CREM: variants seen among roughly 807,000 people sequenced by gnomAD.
CREM encodes the protein cAMP-responsive element modulator.
Under a neutral mutation model 37.3 loss-of-function variants are expected in CREM, and 13 were observed. The observed-to-expected ratio is 0.35, with a 90% confidence interval of 0.23 to 0.55. CREM has a LOEUF of 0.55. Ranked by LOEUF, CREM falls within the 20% of genes least tolerant of loss-of-function variation. CREM has a pLI of 0.88. For missense variants in CREM, 296 were observed against 362.3 expected (o/e 0.82, Z 1.49); for synonymous variants, 124 against 120.2 (o/e 1.03, Z -0.21).
intron 5 of CREM, among the ~76,000 whole-genome samples, chr10:35,182,619 C>T (rs903070017): frequency 1.3e-5 from 2 of 152,162 alleles, no homozygotes; most frequent in Non-Finnish European, 2.9e-5. Flanking sequence ...CAAGCAGTTA[C>T]ATTTTTAATA....
In CREM at chr10:35,172,106, T is replaced by G. The variant is rs764647832; in HGVS notation, c.169-6783T>G. 4.6e-5 allele frequency among the ~76,000 whole-genome samples: 7 copies of G among 151,098 alleles called. No homozygotes were observed. The East Asian group carries it at 1.2e-3, about 25-fold the overall frequency. ...GGGATAGAAGCTGGTCAATGAAGTC[T>G]TCTTTTTGTGTTAATTTTTTTCCTT... On this transcript the variant is annotated intron_variant, in intron 3 of 7. Coordinates refer to ENST00000685392, the MANE Select transcript of CREM (RefSeq NM_183011.2).
chr10:35,141,208 C>G (rs1247866841), intron 2 of CREM, among the ~76,000 whole-genome samples: 2 of 152,132 alleles, frequency 1.3e-5, no homozygotes, highest in Non-Finnish European at 2.9e-5. Flanking sequence ...ATCAAAACTA[C>G]CAGGCACTTA....
intron 5 of CREM, among the ~76,000 whole-genome samples, chr10:35,180,493 A>C (rs989002069): frequency 6.6e-6 from 1 of 152,186 alleles, no homozygotes; most frequent in African/African-American, 2.4e-5. Flanking sequence ...TATTAAATAC[A>C]TTCTCTGTTG....
Position 35,211,865 on chromosome 10 carries a change from A to T in CREM, c.*467A>T. ...TTGCTTTTGAAGGAATACAATATATAGCTGGCAAGAATGGTGGCTTCTTTT... is the reference window on the plus strand; with the variant it reads ...TTGCTTTTGAAGGAATACAATATATTGCTGGCAAGAATGGTGGCTTCTTTT... On this transcript the variant is annotated 3_prime_UTR_variant, in exon 8 of 8. Coordinates refer to ENST00000685392, the MANE Select transcript of CREM (RefSeq NM_183011.2). 7.0e-7 allele frequency: 1 copy of T among 1,435,716 alleles called. No individual in the cohort carries two copies. The highest frequency in any genetic ancestry group is 1.5e-5 in the South Asian group (1 of 64,530). 88.9% of individuals were successfully genotyped at this position (1,435,716 alleles called of 1,614,324 possible).
intron 1 of CREM, among the ~76,000 whole-genome samples, chr10:35,133,394 G>A (rs1295319918): frequency 2.0e-5 from 3 of 150,158 alleles, no homozygotes; most frequent in Admixed American, 6.7e-5. Context: ...TGCAGCCTTC[G>A]CCTCCCAGAT....
At chr10:35,169,789 G>T (rs1051794510) in intron 3 of CREM, among the ~76,000 whole-genome samples, 2 of 152,056 alleles carry the variant, frequency 1.3e-5, no homozygotes, top group African/African-American at 4.8e-5. Context: ...TTTATTGAGA[G>T]TTTTTAGCAT....
chr10:35,166,028 A>G (rs1385466375), intron 3 of CREM, among the ~76,000 whole-genome samples: 2 of 151,996 alleles, frequency 1.3e-5, no homozygotes, highest in Non-Finnish European at 2.9e-5. Flanking sequence ...ATCAGAAACA[A>G]TGATCCTTTT....
chr10:35,177,524 C>T (rs1412150386), intron 3 of CREM, among the ~76,000 whole-genome samples: 2 of 152,084 alleles, frequency 1.3e-5, no homozygotes, highest in Non-Finnish European at 2.9e-5. Flanking sequence ...GTGTTGAGGC[C>T]CTGGCCTCAA....
At chr10:35,173,818 A>G (rs187864288) in intron 3 of CREM, among the ~76,000 whole-genome samples, 20 of 152,320 alleles carry the variant, frequency 1.3e-4, no homozygotes, top group African/African-American at 4.6e-4. Context: ...TCTACTGAAT[A>G]TCAATCACAG....
intron 3 of CREM, 125 bp from the exon 4 acceptor site, chr10:35,178,763 CT>C: frequency 1.5e-6 from 1 of 645,556 alleles, no homozygotes; most frequent in Non-Finnish European, 2.7e-6. Context: ...TCACTGTGTT[CT>C]ATTGCTCAGT....
chr10:35,189,607 C>G (rs1190428628), intron 6 of CREM, among the ~76,000 whole-genome samples: 1 of 152,088 alleles, frequency 6.6e-6, no homozygotes, highest in East Asian at 1.9e-4. Context: ...CCTCCGCCTC[C>G]CAGGTTCAAG....
chr10:35,130,928 A>G (rs2089249009), intron 1 of CREM, among the ~76,000 whole-genome samples: 1 of 152,228 alleles, frequency 6.6e-6, no homozygotes, highest in African/African-American at 2.4e-5. Context: ...CTATTTGCAC[A>G]TTTCATGACA....
chr10:35,134,808 C>T (rs1589225655), intron 1 of CREM, among the ~76,000 whole-genome samples: 3 of 152,136 alleles, frequency 2.0e-5, no homozygotes, highest in East Asian at 3.9e-4. Flanking sequence ...GAGGCCGAGG[C>T]AGGCGGATCA....
At chr10:35,138,272 T>C (rs1392707120) in intron 2 of CREM, among the ~76,000 whole-genome samples, 2 of 152,248 alleles carry the variant, frequency 1.3e-5, no homozygotes, top group Non-Finnish European at 2.9e-5. Flanking sequence ...TTTAAAAATA[T>C]CCAAATAGAA....
chr10:35,137,848 G>T lies in CREM; in HGVS notation c.13G>T (p.Ala5Ser). The change falls in exon 2 of 8, where the codon GCA becomes TCA. Residue 5 changes from alanine (A) to serine (S), a missense_variant. By Grantham distance (99) the Ala-to-Ser change is moderately conservative. Around this residue, in one of 2 missense-constraint regions of CREM, gnomAD observed 257 missense variants for 280.2 expected, o/e 0.92. Coordinates refer to ENST00000685392, the MANE Select transcript of CREM (RefSeq NM_183011.2). MSKC[A>S]RKKYIKTNPR... ...AAATATCTTAACAATGAGCAAATGTGCAAGGAAAAAATATATTAAGACAAA... is the reference window on the plus strand; with the variant it reads ...AAATATCTTAACAATGAGCAAATGTTCAAGGAAAAAATATATTAAGACAAA... The T allele has an allele frequency of 1.3e-6, 2 of 1,585,122 alleles. No homozygotes were observed. The highest frequency in any genetic ancestry group is 1.7e-6 in the Non-Finnish European group (2 of 1,164,456).
intron 2 of CREM, 91 bp downstream of exon 2, chr10:35,137,970 A>G (rs533882520): frequency 2.8e-4 from 231 of 838,182 alleles, no homozygotes; most frequent in Admixed American, 1.9e-3. Context: ...GTACACATAC[A>G]TGTATGTATG....
At chr10:35,145,564 T>C (rs1406936620) in intron 2 of CREM, among the ~76,000 whole-genome samples, 1 of 152,086 alleles carries the variant, frequency 6.6e-6, no homozygotes, top group African/African-American at 2.4e-5. Context: ...GCAGATCACC[T>C]GAGGTCAGGA....
Position 35,137,779 on chromosome 10 carries a change from C to A in CREM, c.-54-3C>A, listed in dbSNP as rs1589273815. The A allele has an allele frequency of 1.5e-6, 2 of 1,349,260 alleles. No individual in the cohort carries two copies. Among genetic ancestry groups the A allele is most frequent in the South Asian group, 2.9e-5 (2 of 68,526 alleles). 83.6% of individuals were successfully genotyped at this position (1,349,260 alleles called of 1,614,324 possible). ...CCAATTCAACATTATAATTTTACTG[C>A]AGGATAAATAAAGAAAACAGGAAAG... On this transcript the variant is annotated splice_polypyrimidine_tract_variant and splice_region_variant and intron_variant, in intron 1 of 7. Transcript: ENST00000685392.
chr10:35,207,469 A>C (rs1024929789), intron 7 of CREM, among the ~76,000 whole-genome samples: 1 of 150,408 alleles, frequency 6.6e-6, no homozygotes, highest in Non-Finnish European at 1.5e-5. Flanking sequence ...AATAAATAAA[A>C]ATAAAAATAA....
Sources: allele counts gnomAD v4.1 joint callset (sites outside exome capture counted in the v4.1 genomes callset), GRCh38; gene constraint gnomAD v4.1.1; regional missense constraint gnomAD v4.1.1; transcripts MANE v1.5; gene names NCBI Gene and HGNC (gene_info 2026-07-23, HGNC 2026-07-21).